Variants in ADAMTS17 observed in about 807,000 individuals in gnomAD.
ADAMTS17 encodes A disintegrin and metalloproteinase with thrombospondin motifs 17.
In ADAMTS17, 113 loss-of-function variants were observed where a neutral mutation model predicts 141.5. The ratio of observed to expected loss-of-function variants is 0.80; its 90% CI spans 0.69 to 0.93. The LOEUF (loss-of-function observed/expected upper bound fraction) is 0.93. ADAMTS17 is among the 40% of genes least tolerant of loss of function. The pLI is 0.00. For synonymous variants in ADAMTS17, 768 were observed against 630.6 expected, an observed-to-expected ratio of 1.22 and a Z score of -3.27; for missense variants, 1,659 against 1,517.9, an observed-to-expected ratio of 1.09 and a Z score of -1.54.
chr15:100,065,725 T>G (rs192828739), intron 15 of ADAMTS17, among the ~76,000 whole-genome samples: 1 of 152,256 alleles, frequency 6.6e-6, no homozygotes, highest in Non-Finnish European at 1.5e-5. Flanking sequence ...AAATTTTACT[T>G]TAAGTTCTGG....
intron 15 of ADAMTS17, among the ~76,000 whole-genome samples, chr15:100,083,670 C>T (rs1456183216): frequency 6.6e-6 from 1 of 151,376 alleles, no homozygotes; most frequent in East Asian, 1.9e-4. Context: ...AGAGACTTCA[C>T]AAATGTAAAC....
At chr15:100,010,174 C>T (rs1268143531) in intron 18 of ADAMTS17, among the ~76,000 whole-genome samples, 4 of 152,238 alleles carry the variant, frequency 2.6e-5, no homozygotes, top group East Asian at 1.9e-4. Context: ...TCCCCTGCCA[C>T]GTGCAACTGC....
chr15:100,282,925 G>A (rs73484155), intron 3 of ADAMTS17, among the ~76,000 whole-genome samples: 22,571 of 152,018 alleles, frequency 0.15, 2,972 homozygotes, highest in African/African-American at 0.36. Flanking sequence ...AGTATCTTCA[G>A]GCCCCAAAGG....
rs543631268 is a variant in ADAMTS17, at chr15:100,071,058, G to A, written c.2138-17004C>T. 4.7e-5 allele frequency among the ~76,000 whole-genome samples: 7 copies of A among 150,200 alleles called. No individual in the cohort carries two copies. The South Asian group carries it at 1.1e-3, about 23-fold the overall frequency. On this transcript the variant is annotated intron_variant, in intron 15 of 21. Coordinates refer to ENST00000268070, the MANE Select transcript of ADAMTS17 (RefSeq NM_139057.4). ...AGATGCAATAAAAAATGATAAAGCA[G>A]ATATCACCACTGATCCCACAGAAAT...
intron 7 of ADAMTS17, among the ~76,000 whole-genome samples, chr15:100,217,729 A>G (rs2042012992): frequency 6.6e-6 from 1 of 152,270 alleles, no homozygotes; most frequent in African/African-American, 2.4e-5. Context: ...GCTTCGGAAG[A>G]TACCATCAAG....
At chr15:100,264,106 T>C (rs989941585) in intron 4 of ADAMTS17, among the ~76,000 whole-genome samples, 3 of 152,198 alleles carry the variant, frequency 2.0e-5, no homozygotes, top group African/African-American at 4.8e-5. Flanking sequence ...CAAGGAAAAA[T>C]AGAACACATT....
At chr15:100,057,035 G>A (rs2032636697) in intron 15 of ADAMTS17, among the ~76,000 whole-genome samples, 1 of 152,110 alleles carries the variant, frequency 6.6e-6, no homozygotes, top group African/African-American at 2.4e-5. Flanking sequence ...CGCAGTGTGT[G>A]GCTCAGTGGT....
At chr15:100,139,211 A>C (rs112634531) in intron 10 of ADAMTS17, among the ~76,000 whole-genome samples, 93 of 152,328 alleles carry the variant, frequency 6.1e-4, no homozygotes, top group African/African-American at 2.2e-3. Context: ...GAAAGGAGAA[A>C]ATATCCAAAA....
chr15:100,283,726 T>C (rs2044358035), intron 3 of ADAMTS17, among the ~76,000 whole-genome samples: 2 of 152,210 alleles, frequency 1.3e-5, no homozygotes, highest in South Asian at 4.1e-4. Context: ...AGCATCAACA[T>C]GTAAGAGCTG....
At chr15:100,322,283 G>A (rs1331968695) in intron 3 of ADAMTS17, among the ~76,000 whole-genome samples, 2 of 152,134 alleles carry the variant, frequency 1.3e-5, no homozygotes, top group Non-Finnish European at 2.9e-5. Flanking sequence ...TATGGGGGAG[G>A]CATGCTGGAA....
At position 99,997,058 on chromosome 15, in the gene ADAMTS17, G is replaced by T. The variant is rs1053960772; in HGVS notation, c.2796+327C>A. Among the ~76,000 whole-genome samples, 7 of 152,182 alleles carry T rather than the reference G, an allele frequency of 4.6e-5. No homozygotes were observed. Among genetic ancestry groups the T allele is most frequent in the African/African-American group, 1.7e-4 (7 of 41,444 alleles). ...CTTTGAAACCACCTTCCCAGCCTGA[G>T]CACACCACAGTTAAATACACCCAAA... On this transcript the variant is annotated intron_variant, in intron 19 of 21. Transcript: ENST00000268070. This position sits in a 1 kb window ranked among gnomAD's most constrained non-coding sequence, Gnocchi z 4.7.
In ADAMTS17 at chr15:100,056,433, G is replaced by A. The variant is rs550861784; in HGVS notation, c.2138-2379C>T. On this transcript the variant is annotated intron_variant, in intron 15 of 21. Transcript: ENST00000268070. ...GAAGGCAATTTTTCCACAGACCAGG[G>A]GGTTGGGGGAAGTGGGGTGGCGGGG... is the stretch of plus-strand genomic sequence containing the variant. 6.6e-5 allele frequency among the ~76,000 whole-genome samples: 10 copies of A among 152,200 alleles called. No homozygotes were observed. The East Asian group carries it at 1.9e-3, about 30-fold the overall frequency.
chr15:100,247,611 T>C (rs947238793), intron 7 of ADAMTS17, among the ~76,000 whole-genome samples: 3 of 152,172 alleles, frequency 2.0e-5, no homozygotes, highest in Admixed American at 2.0e-4. Flanking sequence ...TTTTCATATG[T>C]TTGTGTTTAT....
chr15:100,340,963 A>T, intron 2 of ADAMTS17, 76 bp downstream of exon 2: 28 of 892,480 alleles, frequency 3.1e-5, no homozygotes, highest in East Asian at 4.8e-5. Flanking sequence ...GAGGCGCCCC[A>T]CCCCCACCCT....
At chr15:100,072,954 GA>G (rs1345588989) in intron 15 of ADAMTS17, among the ~76,000 whole-genome samples, 3 of 152,112 alleles carry the variant, frequency 2.0e-5, no homozygotes, top group African/African-American at 7.2e-5. Flanking sequence ...CAAAGCAAAA[GA>G]AACTACCATC....
intron 7 of ADAMTS17, among the ~76,000 whole-genome samples, chr15:100,200,419 T>C (rs771139658): frequency 1.3e-5 from 2 of 151,964 alleles, no homozygotes; most frequent in Non-Finnish European, 2.9e-5. Context: ...CGGCCGCACT[T>C]CTGGGGGCTG....
At chr15:100,179,409 T>C (rs962263436) in intron 8 of ADAMTS17, among the ~76,000 whole-genome samples, 6 of 152,180 alleles carry the variant, frequency 3.9e-5, no homozygotes, top group African/African-American at 1.4e-4. Flanking sequence ...TCTACTCCAT[T>C]GTGGTAAGTA....
rs372839732 is a variant in ADAMTS17, at chr15:100,012,325, CA to C, written c.2592-14737del. On this transcript the variant is annotated intron_variant, in intron 18 of 21. Transcript: ENST00000268070. ...TGTATACATCGTGAAGATTTTCTCCCACTCTGTGGGTTGTCTGTTTACTCTG... is the reference window on the plus strand; with the variant it reads ...TGTATACATCGTGAAGATTTTCTCCCCTCTGTGGGTTGTCTGTTTACTCTG... 3.5e-3 allele frequency among the ~76,000 whole-genome samples: 539 copies of C among 152,268 alleles called. 1 individual carries two copies. The highest frequency in any genetic ancestry group is 0.012 in the African/African-American group (516 of 41,546).
At chr15:100,088,574 A>G (rs890059025) in intron 15 of ADAMTS17, among the ~76,000 whole-genome samples, 1 of 152,046 alleles carries the variant, frequency 6.6e-6, no homozygotes, top group African/African-American at 2.4e-5. Flanking sequence ...GCATCACACT[A>G]CCTGACTTCA....
Sources: allele counts gnomAD v4.1 joint callset (sites outside exome capture counted in the v4.1 genomes callset), GRCh38; gene constraint gnomAD v4.1.1; non-coding constraint Gnocchi (gnomAD v3.1); transcripts MANE v1.5; gene names NCBI Gene and HGNC (gene_info 2026-07-23, HGNC 2026-07-21).